Variants in ARMC9 observed in about 807,000 individuals in gnomAD.
ARMC9 encodes armadillo repeat containing 9, also known as lisH domain-containing protein ARMC9.
A neutral mutation model predicts 107.0 loss-of-function variants in ARMC9; 94 were observed. The ratio of observed to expected loss-of-function variants is 0.88; its 90% CI spans 0.74 to 1.04. The LOEUF (loss-of-function observed/expected upper bound fraction) is 1.04, where lower values mean the gene tolerates loss of function less well. Among genes scored for constraint, ARMC9 ranks in the 50% least tolerant of loss-of-function variants. The pLI is 0.00. For synonymous variants in ARMC9, 380 were observed against 396.9 expected, an observed-to-expected ratio of 0.96 and a Z score of 0.51; for missense variants, 942 against 1,030.1, an observed-to-expected ratio of 0.91 and a Z score of 1.17.
intron 7 of ARMC9, among the ~76,000 whole-genome samples, chr2:231,230,771 G>A (rs9973675): frequency 0.27 from 40,743 of 152,020 alleles, 5,662 homozygotes; most frequent in African/African-American, 0.31. Context: ...AGTGTAAATG[G>A]TGTGTATACT....
chr2:231,339,063 C>G (rs1055793905), intron 20 of ARMC9, among the ~76,000 whole-genome samples: 1 of 152,158 alleles, frequency 6.6e-6, no homozygotes, highest in East Asian at 1.9e-4. Flanking sequence ...GGTGTGGTGG[C>G]TCACGCCTGT....
intron 7 of ARMC9, among the ~76,000 whole-genome samples, chr2:231,229,933 T>G (rs969056742): frequency 6.6e-6 from 1 of 152,148 alleles, no homozygotes; most frequent in Non-Finnish European, 1.5e-5. Context: ...AAAGCTTGAG[T>G]GGCGGGGGAG....
intron 9 of ARMC9, among the ~76,000 whole-genome samples, chr2:231,244,868 G>T (rs1214628786): frequency 6.6e-6 from 1 of 152,266 alleles, no homozygotes; most frequent in African/African-American, 2.4e-5. Context: ...AAGAGGACAG[G>T]CAGGGCAGTG....
intron 8 of ARMC9, among the ~76,000 whole-genome samples, chr2:231,238,113 G>T (rs2035940877): frequency 6.6e-6 from 1 of 151,876 alleles, no homozygotes; most frequent in African/African-American, 2.4e-5. Flanking sequence ...GAAAGTTGAA[G>T]GTGGGTTGAG....
chr2:231,236,040 G>GC (rs1453908026), intron 8 of ARMC9, among the ~76,000 whole-genome samples: 1 of 152,140 alleles, frequency 6.6e-6, no homozygotes, highest in Non-Finnish European at 1.5e-5. Flanking sequence ...TCCCACCTTG[G>GC]CGTCCCAAAG....
chr2:231,249,859 C>T (rs1032343945), intron 9 of ARMC9, among the ~76,000 whole-genome samples: 2 of 116,664 alleles, frequency 1.7e-5, no homozygotes, highest in African/African-American at 3.3e-5. Context: ...CACACCTCCA[C>T]GGGAGGGAGA....
chr2:231,236,949 T>A (rs2035768169), intron 8 of ARMC9, among the ~76,000 whole-genome samples: 1 of 152,068 alleles, frequency 6.6e-6, no homozygotes, highest in African/African-American at 2.4e-5. Context: ...TAAATAAATT[T>A]AATTTAATTT....
chr2:231,228,189 G>A (rs1375652736), intron 7 of ARMC9, among the ~76,000 whole-genome samples: 1 of 152,236 alleles, frequency 6.6e-6, no homozygotes, highest in Non-Finnish European at 1.5e-5. Context: ...ATCTTGCCCT[G>A]CAGCTCCTGG....
chr2:231,256,302 G>T (rs150983164), intron 9 of ARMC9: 4 of 1,555,090 alleles, frequency 2.6e-6, no homozygotes, highest in African/African-American at 2.7e-5. Flanking sequence ...CGGAGGTTGC[G>T]CTGAGCTTGC....
At chr2:231,221,861 C>T (rs2034170660) in intron 5 of ARMC9, among the ~76,000 whole-genome samples, 1 of 135,664 alleles carries the variant, frequency 7.4e-6, no homozygotes, top group Admixed American at 7.5e-5. Context: ...ACTTTCTGCT[C>T]ATCTGGCAGT....
chr2:231,241,997 A>C (rs1249118271), intron 9 of ARMC9, among the ~76,000 whole-genome samples: 2 of 152,206 alleles, frequency 1.3e-5, no homozygotes, highest in South Asian at 2.1e-4. Context: ...TGTGCTGCAT[A>C]TGCAGGCTAG....
At chr2:231,303,594 C>A (rs2041883428) in intron 19 of ARMC9, among the ~76,000 whole-genome samples, 1 of 152,118 alleles carries the variant, frequency 6.6e-6, no homozygotes, top group Non-Finnish European at 1.5e-5. Context: ...ATGAGATGAT[C>A]ATTCTTTGAT....
chr2:231,311,255 G>A (rs183163482), intron 19 of ARMC9, among the ~76,000 whole-genome samples: 7 of 152,248 alleles, frequency 4.6e-5, no homozygotes, highest in African/African-American at 1.7e-4. Context: ...CTACTTTCTG[G>A]CATTTATTTT....
chr2:231,309,786 A>G (rs2042235460), intron 19 of ARMC9, among the ~76,000 whole-genome samples: 1 of 151,938 alleles, frequency 6.6e-6, no homozygotes, highest in South Asian at 2.1e-4. Context: ...ATCAAAACTG[A>G]TGTTTATGCT....
At chr2:231,263,492 A>G (rs11889871) in intron 12 of ARMC9, among the ~76,000 whole-genome samples, 18,566 of 152,188 alleles carry the variant, frequency 0.12, 2,241 homozygotes, top group African/African-American at 0.3. Flanking sequence ...TCGCACAATA[A>G]CTAACCCACT....
At chr2:231,217,675 G>A (rs2033666658) in intron 5 of ARMC9, among the ~76,000 whole-genome samples, 1 of 152,012 alleles carries the variant, frequency 6.6e-6, no homozygotes, top group African/African-American at 2.4e-5. Context: ...AGGATGTATA[G>A]TCCTATGAAT....
chr2:231,253,157 G>T (rs1006062706), intron 9 of ARMC9, among the ~76,000 whole-genome samples: 19 of 150,706 alleles, frequency 1.3e-4, no homozygotes, highest in African/African-American at 4.6e-4. Context: ...TGGAGTCTTG[G>T]TCTGTCACCC....
At chr2:231,337,481 T>G (rs945086058) in intron 20 of ARMC9, among the ~76,000 whole-genome samples, 2 of 123,524 alleles carry the variant, frequency 1.6e-5, no homozygotes, top group African/African-American at 6.8e-5. Context: ...TTTTTTTTTT[T>G]TTTTTTGAGA....
chr2:231,371,835 G>T lies in ARMC9; in HGVS notation c.*300G>T. The T allele has an allele frequency of 3.0e-6, 1 of 332,560 alleles. No individual in the cohort carries two copies. The highest frequency in any genetic ancestry group is 5.4e-6 in the Non-Finnish European group (1 of 184,032). 20.6% of individuals were successfully genotyped at this position (332,560 alleles called of 1,614,324 possible). Reference sequence around the variant, plus strand: ...CAGAGGAGAGGGGTGGCTTTTGCCCGCAGGAGATCTTCTGGCCCCAGAAAC... The same window carrying T: ...CAGAGGAGAGGGGTGGCTTTTGCCCTCAGGAGATCTTCTGGCCCCAGAAAC... On this transcript the variant is annotated 3_prime_UTR_variant, in exon 25 of 25. Coordinates refer to ENST00000611582, the MANE Select transcript of ARMC9 (RefSeq NM_001352754.2).
Sources: gnomAD v4.1 joint callset for allele counts (sites outside exome capture counted in the v4.1 genomes callset) on GRCh38, gnomAD v4.1.1 for gene constraint, MANE v1.5 for transcripts, NCBI Gene and HGNC (gene_info 2026-07-23, HGNC 2026-07-21) for gene names.